The following CFAP161 variants were observed in gnomAD, a reference collection of about 807,000 sequenced individuals.
CFAP161 encodes cilia- and flagella-associated protein 161.
In CFAP161, 25 loss-of-function variants were observed where a neutral mutation model predicts 29.0. The ratio of observed to expected loss-of-function variants is 0.86; its 90% CI spans 0.63 to 1.20. CFAP161 has a LOEUF of 1.20. Ranked by LOEUF, CFAP161 falls within the 50% of genes most tolerant of loss-of-function variation. The pLI is 0.00. For missense variants in CFAP161, 367 were observed against 371.9 expected (o/e 0.99, Z 0.11); for synonymous variants, 116 against 137.4 (o/e 0.84, Z 1.09).
chr15:81,104,731 A>G (rs1894341161), intron 1 of CFAP161, among the ~76,000 whole-genome samples: 1 of 152,204 alleles, frequency 6.6e-6, no homozygotes, highest in African/African-American at 2.4e-5. Context: ...GTTATTTCCA[A>G]TCCCAATCTG....
At chr15:81,100,557 A>G (rs538818145) in intron 1 of CFAP161, among the ~76,000 whole-genome samples, 28 of 152,254 alleles carry the variant, frequency 1.8e-4, no homozygotes, top group African/African-American at 5.8e-4. Context: ...TCCATTGCCT[A>G]CAATTTTCTA....
chr15:81,124,466 A>C (rs1894615178), intron 1 of CFAP161, among the ~76,000 whole-genome samples: 1 of 101,074 alleles, frequency 9.9e-6, no homozygotes, highest in African/African-American at 3.0e-5. Flanking sequence ...ACTGGCATGA[A>C]GTTTTCTTTT....
At chr15:81,100,035 G>A (rs60494987) in intron 1 of CFAP161, among the ~76,000 whole-genome samples, 3,581 of 151,894 alleles carry the variant, frequency 0.024, 169 homozygotes, top group African/African-American at 0.081. Context: ...TACATGTACG[G>A]CATTTAAAGC....
At chr15:81,143,608 C>T (rs1894951671) in intron 4 of CFAP161, 54 bp from the exon 5 acceptor site, 7 of 1,555,240 alleles carry the variant, frequency 4.5e-6, no homozygotes, top group Non-Finnish European at 4.4e-6. Context: ...CTTCTTTATT[C>T]TCCAGCTTTT....
chr15:81,105,759 C>A (rs1253505303), intron 1 of CFAP161, among the ~76,000 whole-genome samples: 1 of 152,162 alleles, frequency 6.6e-6, no homozygotes, highest in Non-Finnish European at 1.5e-5. Context: ...ATTATTAAGT[C>A]CACGTGATGT....
chr15:81,108,579 G>A (rs1032285201), intron 1 of CFAP161, among the ~76,000 whole-genome samples: 1 of 152,100 alleles, frequency 6.6e-6, no homozygotes, highest in Non-Finnish European at 1.5e-5. Flanking sequence ...AAACTAGATC[G>A]GTGGTTTTCA....
chr15:81,136,535 A>T lies in CFAP161; in HGVS notation c.179A>T (p.Glu60Val). ...TTGTAGATGCAACTTTCCGTAACTG[A>T]AGATGGCTATATTCATTACGGTGAC... ...LLRPMQLSVT[E>V]DGYIHYGDKV... Residue 60 changes from glutamate (E) to valine (V), a missense_variant, in exon 3 of 7, where the codon GAA (glutamate) becomes GTA (valine). Glu to Val is a moderately radical substitution (Grantham distance 121). Transcript: ENST00000286732. 1.2e-6 allele frequency: 2 copies of T among 1,614,190 alleles called. No individual in the cohort carries two copies. Among genetic ancestry groups the T allele is most frequent in the Non-Finnish European group, 1.7e-6 (2 of 1,180,010 alleles).
chr15:81,107,706 CA>C, intron 1 of CFAP161, among the ~76,000 whole-genome samples: 1 of 152,176 alleles, frequency 6.6e-6, no homozygotes, highest in South Asian at 2.1e-4. Flanking sequence ...GCCTGGGCAA[CA>C]AGAGTGAAAC....
At chr15:81,130,568 C>A (rs1457924653), upstream of CFAP161, among the ~76,000 whole-genome samples, 1 of 152,196 alleles carries the variant, frequency 6.6e-6, no homozygotes, top group Non-Finnish European at 1.5e-5. Context: ...GGTGTGGTGG[C>A]ATGCGCCTGT....
upstream of CFAP161, among the ~76,000 whole-genome samples, chr15:81,131,136 T>TAA (rs34706078): frequency 1.4e-3 from 186 of 130,902 alleles, 1 homozygote; most frequent in East Asian, 4.6e-3. Flanking sequence ...CTTCAATTTG[T>TAA]AAAAAAAAAA....
intron 5 of CFAP161, among the ~76,000 whole-genome samples, chr15:81,145,939 A>C (rs1313550405): frequency 6.6e-6 from 1 of 152,214 alleles, no homozygotes; most frequent in Non-Finnish European, 1.5e-5. Flanking sequence ...TGGTTATCTC[A>C]ATAAATCTTA....
intron 1 of CFAP161, among the ~76,000 whole-genome samples, chr15:81,102,317 G>A (rs1894312827): frequency 6.6e-6 from 1 of 152,070 alleles, no homozygotes; most frequent in Non-Finnish European, 1.5e-5. Flanking sequence ...AAGACCTTTT[G>A]CAGAAAATTC....
intron 4 of CFAP161, among the ~76,000 whole-genome samples, chr15:81,140,106 G>C (rs895992702): frequency 6.6e-6 from 1 of 150,964 alleles, no homozygotes; most frequent in African/African-American, 2.4e-5. Flanking sequence ...TTTTGCCTTT[G>C]TGTTGATTTG....
chr15:81,121,209 A>T (rs1324526824), intron 1 of CFAP161, among the ~76,000 whole-genome samples: 1 of 152,238 alleles, frequency 6.6e-6, no homozygotes, highest in Non-Finnish European at 1.5e-5. Context: ...GCATTTTCCT[A>T]TACTTCCTCT....
chr15:81,148,527 G>A lies in CFAP161; in HGVS notation c.900G>A (p.Thr300=), dbSNP rs371766165. ...TGGAGCAGGCCATGGGCCTTGACAC[G>A]CAGTAACACGCCAGGCACGTGCATG... The part of the protein sequence containing the change: ...RAMEQAMGLD[T]Q Residue 300 remains threonine, a synonymous_variant, in exon 7 of 7, where the codon ACG becomes ACA. Transcript: ENST00000286732. 1.1e-5 allele frequency: 18 copies of A among 1,609,946 alleles called. No individual in the cohort carries two copies. The highest frequency in any genetic ancestry group is 2.2e-5 in the East Asian group (1 of 44,772).
intron 1 of CFAP161, among the ~76,000 whole-genome samples, chr15:81,114,116 G>A (rs993940739): frequency 2.0e-5 from 3 of 152,184 alleles, no homozygotes; most frequent in African/African-American, 7.2e-5. Flanking sequence ...CCTGGGCATG[G>A]AGAAAAAATA....
intron 1 of CFAP161, among the ~76,000 whole-genome samples, chr15:81,123,474 T>A (rs1894601891): frequency 6.6e-6 from 1 of 152,254 alleles, no homozygotes; most frequent in Non-Finnish European, 1.5e-5. Context: ...GGTAGTGTGA[T>A]GCCTCCAGCT....
At chr15:81,124,435 G>A (rs1475721897) in intron 1 of CFAP161, among the ~76,000 whole-genome samples, 1 of 151,716 alleles carries the variant, frequency 6.6e-6, no homozygotes, top group Non-Finnish European at 1.5e-5. Flanking sequence ...GAGGATTTTT[G>A]CATTGATGTT....
intron 4 of CFAP161, among the ~76,000 whole-genome samples, chr15:81,139,328 GA>G (rs1229834092): frequency 4.0e-5 from 6 of 151,758 alleles, no homozygotes; most frequent in Non-Finnish European, 8.8e-5. Flanking sequence ...AAAATAAAAA[GA>G]AGAAGAAACG....
Sources: allele counts gnomAD v4.1 joint callset (sites outside exome capture counted in the v4.1 genomes callset), GRCh38; gene constraint gnomAD v4.1.1; transcripts MANE v1.5; gene names NCBI Gene and HGNC (gene_info 2026-07-23, HGNC 2026-07-21).